Variants in SNTG1 observed in about 807,000 individuals in gnomAD.
SNTG1 encodes gamma-1-syntrophin.
In SNTG1, 39 loss-of-function variants were observed where a neutral mutation model predicts 74.7. That is an observed-to-expected ratio of 0.52 (90% CI 0.40 to 0.68). The LOEUF (loss-of-function observed/expected upper bound fraction) is 0.68. Among genes scored for constraint, SNTG1 ranks in the 30% least tolerant of loss-of-function variants. The pLI is 0.00. For missense variants in SNTG1, 685 were observed against 609.5 expected, an observed-to-expected ratio of 1.12 and a Z score of -1.30; for synonymous variants, 254 against 217.1, an observed-to-expected ratio of 1.17 and a Z score of -1.49.
At chr8:50,776,115 CAT>C (rs1257766768) in intron 18 of SNTG1, among the ~76,000 whole-genome samples, 3 of 151,084 alleles carry the variant, frequency 2.0e-5, no homozygotes, top group Non-Finnish European at 4.4e-5. Context: ...GATGTGTTGA[CAT>C]ATTTATAATT....
At chr8:50,033,783 A>G (rs1172776241) in intron 1 of SNTG1, among the ~76,000 whole-genome samples, 1 of 152,092 alleles carries the variant, frequency 6.6e-6, no homozygotes, top group Non-Finnish European at 1.5e-5. Flanking sequence ...CACCTTTTTA[A>G]TGGCCCCATC....
chr8:49,937,583 G>C (rs1808203506), intron 1 of SNTG1, among the ~76,000 whole-genome samples: 1 of 152,072 alleles, frequency 6.6e-6, no homozygotes, highest in African/African-American at 2.4e-5. Context: ...ATCTAACTAT[G>C]GTTTTTCAGG....
intron 13 of SNTG1, among the ~76,000 whole-genome samples, chr8:50,610,594 C>T (rs79585650): frequency 0.037 from 5,657 of 152,182 alleles, 180 homozygotes; most frequent in African/African-American, 0.075. Flanking sequence ...TTGTAAACTA[C>T]CAAATTTGTT....
intron 2 of SNTG1, among the ~76,000 whole-genome samples, chr8:50,179,686 C>T (rs1445210135): frequency 6.6e-6 from 1 of 152,156 alleles, no homozygotes; most frequent in Non-Finnish European, 1.5e-5. Flanking sequence ...AGGCATTCAA[C>T]ATCACTAATT....
chr8:50,385,448 T>C (rs570628695), intron 2 of SNTG1, among the ~76,000 whole-genome samples: 7 of 152,320 alleles, frequency 4.6e-5, no homozygotes, highest in East Asian at 1.9e-4. Context: ...AGGTAGAAGG[T>C]CCTTGAATTT....
At chr8:50,384,090 T>A (rs993759978) in intron 2 of SNTG1, among the ~76,000 whole-genome samples, 1 of 152,194 alleles carries the variant, frequency 6.6e-6, no homozygotes, top group Non-Finnish European at 1.5e-5. Context: ...CCTAAACTCA[T>A]GAATTCTGGT....
At chr8:50,708,156 G>A (rs79730919) in intron 16 of SNTG1, 3,400 of 188,730 alleles carry the variant, frequency 0.018, 104 homozygotes, top group African/African-American at 0.071. Context: ...AGCCGACACC[G>A]CACCACTACG....
intron 17 of SNTG1, among the ~76,000 whole-genome samples, chr8:50,735,512 A>T (rs2095526151): frequency 6.6e-6 from 1 of 151,880 alleles, no homozygotes; most frequent in Admixed American, 6.6e-5. Context: ...CAATCAGAAG[A>T]AAGGGTATCA....
chr8:50,086,468 C>A (rs560376791), intron 1 of SNTG1, among the ~76,000 whole-genome samples: 1 of 152,246 alleles, frequency 6.6e-6, no homozygotes, highest in African/African-American at 2.4e-5. Flanking sequence ...ATGTAATAAT[C>A]AATTAGTGTT....
intron 1 of SNTG1, among the ~76,000 whole-genome samples, chr8:49,938,549 T>TTTCTC: frequency 5.5e-5 from 2 of 36,490 alleles, no homozygotes; most frequent in African/African-American, 1.9e-4. Flanking sequence ...CATGCCTTCT[T>TTTCTC]TTCTTTTGTT....
chr8:50,701,819 T>TCTCCTCCTCCTC (rs748825249), intron 15 of SNTG1, among the ~76,000 whole-genome samples: 6 of 144,300 alleles, frequency 4.2e-5, no homozygotes, highest in African/African-American at 1.6e-4. Context: ...TTCTTCTTCT[T>TCTCCTCCTCCTC]CTCCTCCTCC....
chr8:50,035,162 C>T (rs1407991146), intron 1 of SNTG1, among the ~76,000 whole-genome samples: 1 of 152,156 alleles, frequency 6.6e-6, no homozygotes, highest in African/African-American at 2.4e-5. Context: ...CATTGGAAGC[C>T]TCACTCACTC....
intron 13 of SNTG1, chr8:50,644,461 A>T (rs2095094146): frequency 1.3e-5 from 2 of 152,102 alleles, no homozygotes; most frequent in African/African-American, 4.8e-5. Context: ...TTAATAGTAA[A>T]TATATTTTCT....
At chr8:50,336,260 A>C (rs574302831) in intron 2 of SNTG1, among the ~76,000 whole-genome samples, 1 of 152,338 alleles carries the variant, frequency 6.6e-6, no homozygotes, top group African/African-American at 2.4e-5. Flanking sequence ...GACTCTTTCC[A>C]ATTGAAAAGA....
intron 1 of SNTG1, among the ~76,000 whole-genome samples, chr8:50,075,430 G>GT (rs1317456539): frequency 6.6e-6 from 1 of 152,212 alleles, no homozygotes; most frequent in Non-Finnish European, 1.5e-5. Flanking sequence ...TCAGCACTCT[G>GT]TGTCTAGCTA....
intron 13 of SNTG1, among the ~76,000 whole-genome samples, chr8:50,622,143 A>G (rs1215622376): frequency 6.6e-6 from 1 of 152,196 alleles, no homozygotes; most frequent in Non-Finnish European, 1.5e-5. Context: ...AGCAACTACC[A>G]CATCCCATAT....
intron 2 of SNTG1, among the ~76,000 whole-genome samples, chr8:50,203,173 A>G (rs1467418885): frequency 6.6e-6 from 1 of 152,182 alleles, no homozygotes; most frequent in Non-Finnish European, 1.5e-5. Context: ...TGCCACGTCT[A>G]GGATTCTGAT....
intron 8 of SNTG1, among the ~76,000 whole-genome samples, chr8:50,463,821 C>G (rs921145202): frequency 6.6e-6 from 1 of 152,230 alleles, no homozygotes; most frequent in African/African-American, 2.4e-5. Flanking sequence ...TTGACTTCTC[C>G]TCTCTAGCTA....
At chr8:50,079,602 A>G (rs527823556) in intron 1 of SNTG1, among the ~76,000 whole-genome samples, 1 of 152,108 alleles carries the variant, frequency 6.6e-6, no homozygotes, top group East Asian at 1.9e-4. Context: ...CTTTTGTTCC[A>G]ATTGCTTTTG....
Sources: gnomAD v4.1 joint callset for allele counts (sites outside exome capture counted in the v4.1 genomes callset) on GRCh38, gnomAD v4.1.1 for gene constraint, MANE v1.5 for transcripts, NCBI Gene and HGNC (gene_info 2026-07-23, HGNC 2026-07-21) for gene names.